Variants in IGFBP2 observed in about 807,000 individuals in gnomAD.
The protein encoded by IGFBP2 is insulin like growth factor binding protein 2, also known as insulin-like growth factor-binding protein 2.
Under a neutral mutation model 26.2 loss-of-function variants are expected in IGFBP2, and 12 were observed. That is an observed-to-expected ratio of 0.46 (90% CI 0.29 to 0.74). The LOEUF is 0.74. IGFBP2 is among the 30% of genes least tolerant of loss of function. The pLI is 0.09. For missense variants in IGFBP2, 328 were observed against 441.2 expected (o/e 0.74, Z 2.30); for synonymous variants, 189 against 200.6 (o/e 0.94, Z 0.49).
Position 216,633,582 on chromosome 2 carries a change from T to TGCCGCC in IGFBP2, c.61_62insCGCCGC (p.Leu20_Leu21insProPro). On this transcript the variant is annotated inframe_insertion, in exon 1 of 4. Coordinates refer to ENST00000233809, the MANE Select transcript of IGFBP2 (RefSeq NM_000597.3). ...CTGCCGCCGCCGCCGCTGCTGCCGC[T>TGCCGCC]GCTGCTGCTGCTACTGGGCGCGAGT... 1.0e-6 allele frequency: 1 copy of TGCCGCC among 974,616 alleles called. No homozygotes were observed. The highest frequency in any genetic ancestry group is 1.2e-6 in the Non-Finnish European group (1 of 817,966). The allele number at this position is 974,616 out of a possible 1,614,324, so 60.4% of individuals were successfully genotyped here.
At chr2:216,663,870 C>T (rs1024711189) in intron 3 of IGFBP2, 70 bp from the exon 4 acceptor site, 14 of 1,528,168 alleles carry the variant, frequency 9.2e-6, no homozygotes, top group Middle Eastern at 1.7e-4. Context: ...GCTCAGTGGA[C>T]GCCGGGTTGA....
At chr2:216,660,299 T>TGACCAAGGCAC (rs1698010961) in intron 1 of IGFBP2, among the ~76,000 whole-genome samples, 1 of 152,156 alleles carries the variant, frequency 6.6e-6, no homozygotes. Context: ...CTTGGTCAAG[T>TGACCAAGGCAC]AACTGACCTC....
At chr2:216,635,174 A>C (rs1443148296) in intron 1 of IGFBP2, among the ~76,000 whole-genome samples, 1 of 152,004 alleles carries the variant, frequency 6.6e-6, no homozygotes, top group Admixed American at 6.6e-5. Flanking sequence ...CTCCTTGAGA[A>C]TGGAATTAGG....
rs538227514 is a variant in IGFBP2, at chr2:216,647,188, A to G, written c.442+13223A>G. On this transcript the variant is annotated intron_variant, in intron 1 of 3. Transcript: ENST00000233809. ...TCATGGTAAATAAAGTTATGAAAGT[A>G]AGAGAATCAAGTTGGACAGGCTTCT... Among the ~76,000 whole-genome samples the G allele has an allele frequency of 3.3e-5, 5 of 152,352 alleles. No individual in the cohort carries two copies. The South Asian group carries it at 8.3e-4, about 25-fold the overall frequency.
intron 1 of IGFBP2, among the ~76,000 whole-genome samples, chr2:216,643,528 A>C (rs1411887872): frequency 6.6e-6 from 1 of 152,216 alleles, no homozygotes; most frequent in African/African-American, 2.4e-5. Context: ...AAGGCAAAGT[A>C]CTGCCATTGG....
intron 3 of IGFBP2, chr2:216,662,727 T>C (rs1220660235): frequency 1.3e-5 from 2 of 150,044 alleles, no homozygotes; most frequent in Admixed American, 1.3e-4. Context: ...TCTCCCAGGC[T>C]GGAGTGCAGT....
Position 216,655,902 on chromosome 2 carries a change from CA to C in IGFBP2, c.443-4643del, listed in dbSNP as rs200162837. The stretch of plus-strand genomic sequence containing the variant: ...AGAGCGATACTCTGTCTCAAAAAAA[CA>C]AAAAAAAAAAATCAAAAAACCATAT... On this transcript the variant is annotated intron_variant, in intron 1 of 3. Transcript: ENST00000233809. Among the ~76,000 whole-genome samples the C allele has an allele frequency of 7.8e-3, 984 of 126,576 alleles. 9 individuals are homozygous for C. The highest frequency in any genetic ancestry group is 0.024 in the African/African-American group (841 of 35,432). The allele number at this position is 126,576 out of a possible 152,430, so 83.0% of individuals were successfully genotyped here.
intron 3 of IGFBP2, 25 bp downstream of exon 3, chr2:216,662,023 A>T: frequency 6.2e-7 from 1 of 1,612,346 alleles, no homozygotes; most frequent in Non-Finnish European, 8.5e-7. Context: ...AGCCTGGGCC[A>T]GAGCAGCTCC....
intron 1 of IGFBP2, among the ~76,000 whole-genome samples, chr2:216,640,973 A>G (rs1697601825): frequency 6.6e-6 from 1 of 152,208 alleles, no homozygotes; most frequent in South Asian, 2.1e-4. Context: ...GCTGCTGGGT[A>G]GCAGATGATG....
chr2:216,640,753 A>T (rs1221186609), intron 1 of IGFBP2, among the ~76,000 whole-genome samples: 4 of 152,252 alleles, frequency 2.6e-5, no homozygotes, highest in South Asian at 2.1e-4. Flanking sequence ...GACCGTATCA[A>T]CCAGCAGTTT....
intron 2 of IGFBP2, 144 bp downstream of exon 2, chr2:216,660,930 ATAGT>A (rs773653451): frequency 4.1e-5 from 27 of 653,008 alleles, no homozygotes; most frequent in Middle Eastern, 2.5e-4. Context: ...GTTGTGGAAC[ATAGT>A]TAGTGACCTT....
intron 1 of IGFBP2, among the ~76,000 whole-genome samples, chr2:216,645,562 A>G (rs1036422461): frequency 4.6e-5 from 7 of 152,232 alleles, no homozygotes; most frequent in African/African-American, 1.7e-4. Flanking sequence ...CCTGCTTGAT[A>G]ACAAAGGTAA....
intron 1 of IGFBP2, among the ~76,000 whole-genome samples, chr2:216,650,905 G>T (rs191330871): frequency 1.3e-5 from 2 of 151,574 alleles, no homozygotes; most frequent in East Asian, 2.0e-4. Context: ...AAGGGCTCAG[G>T]GGGTGAGAAG....
intron 1 of IGFBP2, among the ~76,000 whole-genome samples, chr2:216,656,731 T>A (rs574120470): frequency 6.6e-6 from 1 of 152,194 alleles, no homozygotes; most frequent in South Asian, 2.1e-4. Context: ...AGACAACGTG[T>A]TGTTATAGCC....
intron 1 of IGFBP2, among the ~76,000 whole-genome samples, chr2:216,634,903 T>TA: frequency 9.9e-6 from 1 of 101,256 alleles, no homozygotes; most frequent in East Asian, 2.5e-4. Context: ...TTTTTTTTTT[T>TA]TTTAATTACG....
At chr2:216,650,947 T>C (rs1313200716) in intron 1 of IGFBP2, among the ~76,000 whole-genome samples, 1 of 152,132 alleles carries the variant, frequency 6.6e-6, no homozygotes. Context: ...TGAATGAAGC[T>C]GGGTGTCCTC....
At chr2:216,639,562 G>GT (rs34865196) in intron 1 of IGFBP2, among the ~76,000 whole-genome samples, 78,820 of 149,316 alleles carry the variant, frequency 0.53, 22,846 homozygotes, top group East Asian at 0.7. Context: ...AAAAAAGCTT[G>GT]TTTTTTTTTT....
rs1316966934 is a variant in IGFBP2 at position 216,633,806 on chromosome 2, G to A, written c.283G>A (p.Gly95Ser). 3 of 1,508,434 alleles carry A rather than the reference G, an allele frequency of 2.0e-6. No homozygotes were observed. Among genetic ancestry groups the A allele is most frequent in the South Asian group, 1.2e-5 (1 of 81,334 alleles). The allele number at this position is 1,508,434 out of a possible 1,614,324, so 93.4% of individuals were successfully genotyped here. ...CTGCTCGGTGTGCGCCCGGCTGGAG[G>A]GCGAGGCGTGCGGCGTCTACACCCC... ...GCCSVCARLE[G>S]EACGVYTPRC... The change falls in exon 1 of 4, where the codon GGC becomes AGC. Residue 95 changes from glycine (G) to serine (S), a missense_variant. Physicochemically the swap from Gly to Ser is moderately conservative, Grantham distance 56. Transcript: ENST00000233809.
chr2:216,658,134 C>T (rs1697953963), intron 1 of IGFBP2, among the ~76,000 whole-genome samples: 1 of 152,142 alleles, frequency 6.6e-6, no homozygotes, highest in South Asian at 2.1e-4. Context: ...TCTTAGTGTC[C>T]TCTTTCCTCT....
Sources: gnomAD v4.1 joint callset for allele counts (sites outside exome capture counted in the v4.1 genomes callset) on GRCh38, gnomAD v4.1.1 for gene constraint, MANE v1.5 for transcripts, NCBI Gene and HGNC (gene_info 2026-07-23, HGNC 2026-07-21) for gene names.